Variants in ACYP2 observed in about 807,000 individuals in gnomAD.
ACYP2 encodes the protein acylphosphatase 2.
Under a neutral mutation model 11.2 loss-of-function variants are expected in ACYP2, and 12 were observed. The ratio of observed to expected loss-of-function variants is 1.08; its 90% CI spans 0.69 to 1.74. ACYP2 has a LOEUF of 1.74. Among genes scored for constraint, ACYP2 ranks in the 40% most tolerant of loss-of-function variants. The pLI is 0.00. For synonymous variants in ACYP2, 43 were observed against 32.2 expected, an observed-to-expected ratio of 1.33 and a Z score of -1.13; for missense variants, 134 against 101.9, an observed-to-expected ratio of 1.31 and a Z score of -1.35.
chr2:54,304,886 A>T lies in ACYP2; in HGVS notation c.*84A>T. The T allele has an allele frequency of 1.3e-3, 664 of 505,998 alleles. No homozygotes were observed. Among genetic ancestry groups the T allele is most frequent in the East Asian group, 2.6e-3 (67 of 25,558 alleles). 31.3% of individuals were successfully genotyped at this position (505,998 alleles called of 1,614,324 possible). ...TATACTAGAATAATAGTAGCAGAGT[A>T]GGGTGAAAAGGAACTTTCTGTTCTG... is the stretch of plus-strand genomic sequence containing the variant. On this transcript the variant is annotated 3_prime_UTR_variant, in exon 7 of 7. Transcript: ENST00000607452.
intron 4 of ACYP2, among the ~76,000 whole-genome samples, chr2:54,132,888 G>A (rs947589229): frequency 7.2e-5 from 11 of 151,874 alleles, no homozygotes; most frequent in Non-Finnish European, 1.5e-4. Context: ...AGGATTACAG[G>A]CACCCACCAT....
At chr2:54,238,924 G>C (rs1413267359) in intron 6 of ACYP2, among the ~76,000 whole-genome samples, 1 of 151,272 alleles carries the variant, frequency 6.6e-6, no homozygotes, top group East Asian at 2.0e-4. Context: ...ATTTTTTTGT[G>C]GTTGGCAGAG....
At chr2:54,265,812 C>T (rs1330424632) in intron 6 of ACYP2, among the ~76,000 whole-genome samples, 2 of 152,174 alleles carry the variant, frequency 1.3e-5, no homozygotes, top group East Asian at 1.9e-4. Context: ...ATAATAGTGC[C>T]TACCTCCCAG....
chr2:54,158,079 G>A (rs1682514203), intron 6 of ACYP2, among the ~76,000 whole-genome samples: 1 of 151,908 alleles, frequency 6.6e-6, no homozygotes, highest in South Asian at 2.1e-4. Flanking sequence ...AGGCTGGAGT[G>A]CAATGACAGG....
chr2:54,099,390 C>A (rs1158292401), intron 4 of ACYP2, among the ~76,000 whole-genome samples: 1 of 152,180 alleles, frequency 6.6e-6, no homozygotes, highest in Admixed American at 6.5e-5. Context: ...CTCATTTCTT[C>A]TGTCTAGCTA....
intron 2 of ACYP2, among the ~76,000 whole-genome samples, chr2:54,039,354 G>A (rs1675099982): frequency 6.6e-6 from 1 of 150,668 alleles, no homozygotes; most frequent in Admixed American, 6.6e-5. Flanking sequence ...GGGCAGTGGT[G>A]TGATCTTGGC....
intron 4 of ACYP2, among the ~76,000 whole-genome samples, chr2:54,096,942 T>C (rs1030842045): frequency 1.3e-5 from 2 of 152,184 alleles, no homozygotes; most frequent in Admixed American, 1.3e-4. Context: ...ACTCTTGACC[T>C]CAAGCAATCC....
intron 2 of ACYP2, among the ~76,000 whole-genome samples, chr2:54,032,686 G>A (rs111236498): frequency 6.6e-6 from 1 of 152,114 alleles, no homozygotes; most frequent in African/African-American, 2.4e-5. Flanking sequence ...GCTTGATGGG[G>A]ATGGCATTGA....
chr2:54,156,312 G>T (rs1336885491), intron 6 of ACYP2, among the ~76,000 whole-genome samples: 1 of 152,180 alleles, frequency 6.6e-6, no homozygotes, highest in Admixed American at 6.5e-5. Context: ...GTGCAGGTTT[G>T]TTACATAGGT....
intron 4 of ACYP2, among the ~76,000 whole-genome samples, chr2:54,058,569 C>T (rs1413046797): frequency 6.6e-6 from 1 of 152,038 alleles, no homozygotes; most frequent in African/African-American, 2.4e-5. Context: ...CATTGGTAAC[C>T]CAAGTATTGT....
chr2:53,984,373 T>G (rs1452433079), intron 2 of ACYP2, among the ~76,000 whole-genome samples: 2 of 151,814 alleles, frequency 1.3e-5, no homozygotes, highest in Non-Finnish European at 2.9e-5. Context: ...AGGTCAGAAG[T>G]TTGAGACTAG....
chr2:54,121,550 A>T (rs1460582189), intron 4 of ACYP2, among the ~76,000 whole-genome samples: 1 of 152,194 alleles, frequency 6.6e-6, no homozygotes, highest in South Asian at 2.1e-4. Flanking sequence ...GAATTATTAA[A>T]TGGCTTTGTC....
intron 6 of ACYP2, among the ~76,000 whole-genome samples, chr2:54,295,317 A>G (rs1573066856): frequency 6.6e-6 from 1 of 152,250 alleles, no homozygotes; most frequent in African/African-American, 2.4e-5. Context: ...ATGTTCTTTA[A>G]GAGAAGGAAT....
chr2:54,281,712 T>G (rs757772476), intron 6 of ACYP2, among the ~76,000 whole-genome samples: 1 of 152,174 alleles, frequency 6.6e-6, no homozygotes, highest in Non-Finnish European at 1.5e-5. Flanking sequence ...CAACTCCTGG[T>G]GAGAGAACTA....
chr2:54,157,783 C>G (rs1682500281), intron 6 of ACYP2, among the ~76,000 whole-genome samples: 1 of 152,108 alleles, frequency 6.6e-6, no homozygotes, highest in South Asian at 2.1e-4. Context: ...ATGGGGTAAT[C>G]AGGGAAAGGC....
rs530142696 is a variant in ACYP2 at position 54,115,296 on chromosome 2, C to CT, written c.278-20153dup. The CT allele has an allele frequency of 8.7e-6, 4 of 460,962 alleles. No homozygotes were observed. The South Asian group carries it at 1.5e-4, about 17-fold the overall frequency. 28.6% of individuals were successfully genotyped at this position (460,962 alleles called of 1,614,324 possible). ...CCTTGTACACCACAAATATACCCAACTTTTATTTGTCAATTACACTTTAAT... is the reference window on the plus strand; with the variant it reads ...CCTTGTACACCACAAATATACCCAACTTTTTATTTGTCAATTACACTTTAAT... On this transcript the variant is annotated intron_variant, in intron 4 of 6. Coordinates refer to ENST00000607452, the MANE Select transcript of ACYP2 (RefSeq NM_001320586.2).
chr2:54,135,029 C>G (rs896715945), intron 4 of ACYP2, among the ~76,000 whole-genome samples: 2 of 152,184 alleles, frequency 1.3e-5, no homozygotes, highest in African/African-American at 4.8e-5. Context: ...TTAGAGGAAG[C>G]ACTTTATGGT....
chr2:53,972,057 C>T (rs1671162498), intron 1 of ACYP2, among the ~76,000 whole-genome samples: 1 of 152,224 alleles, frequency 6.6e-6, no homozygotes. Context: ...CGCCTGTAAT[C>T]CCAGCACTTT....
At chr2:53,997,506 A>G (rs1200315905) in intron 2 of ACYP2, among the ~76,000 whole-genome samples, 2 of 151,800 alleles carry the variant, frequency 1.3e-5, no homozygotes, top group African/African-American at 4.8e-5. Context: ...GGGTTTCACC[A>G]TGTTGGTCAG....
Sources: gnomAD v4.1 joint callset for allele counts (sites outside exome capture counted in the v4.1 genomes callset) on GRCh38, gnomAD v4.1.1 for gene constraint, MANE v1.5 for transcripts, NCBI Gene and HGNC (gene_info 2026-07-23, HGNC 2026-07-21) for gene names.